Variants in PDE1A observed in about 807,000 individuals in gnomAD.
The protein encoded by PDE1A is phosphodiesterase 1A.
A neutral mutation model predicts 61.7 loss-of-function variants in PDE1A; 35 were observed. The observed-to-expected ratio is 0.57, with a 90% CI of 0.43 to 0.75. The LOEUF (loss-of-function observed/expected upper bound fraction) is 0.75, where lower values mean the gene tolerates loss of function less well. Ranked by LOEUF, PDE1A falls within the 30% of genes least tolerant of loss-of-function variation. The probability of loss-of-function intolerance (pLI) is 0.00; values close to 1 mark genes in which losing one functional copy is unlikely to be tolerated. For synonymous variants in PDE1A, 232 were observed against 213.2 expected (o/e 1.09, Z -0.77); for missense variants, 597 against 630.6 (o/e 0.95, Z 0.57).
At chr2:182,523,881 T>C (rs1050048980), upstream of PDE1A, among the ~76,000 whole-genome samples, 2 of 152,152 alleles carry the variant, frequency 1.3e-5, no homozygotes, top group Non-Finnish European at 2.9e-5. Context: ...ACTGATGCTA[T>C]CTAGTAGTCA....
intron 1 of PDE1A, among the ~76,000 whole-genome samples, chr2:182,316,708 A>G (rs956770686): frequency 1.3e-5 from 2 of 152,174 alleles, no homozygotes; most frequent in African/African-American, 4.8e-5. Context: ...AATATTGTAT[A>G]TTGTACTTTA....
At chr2:182,582,056 G>A in the PDE1A span, among the ~76,000 whole-genome samples, 6 of 152,226 alleles carry the variant, frequency 3.9e-5, no homozygotes, top group South Asian at 1.2e-3. Flanking sequence ...AAAATGTTTA[G>A]CTTAATATTA....
chr2:182,247,376 A>C (rs1218720625), intron 2 of PDE1A, among the ~76,000 whole-genome samples: 1 of 152,252 alleles, frequency 6.6e-6, no homozygotes. Context: ...TAATGAAGAC[A>C]TAAGTAAGTG....
intron 1 of PDE1A, chr2:182,314,627 T>C (rs1044464026): frequency 2.6e-5 from 4 of 151,628 alleles, no homozygotes; most frequent in African/African-American, 9.7e-5. Context: ...TTCTAGAAAA[T>C]GGAAATGAAT....
chr2:182,549,967 G>C, the PDE1A span, among the ~76,000 whole-genome samples: 1 of 151,962 alleles, frequency 6.6e-6, no homozygotes, highest in African/African-American at 2.4e-5. Flanking sequence ...TTTTCCCTAC[G>C]ACATTTTTAT....
At chr2:182,275,088 A>G (rs1205385209) in intron 1 of PDE1A, among the ~76,000 whole-genome samples, 1 of 152,150 alleles carries the variant, frequency 6.6e-6, no homozygotes, top group African/African-American at 2.4e-5. Context: ...TGAGAAAACA[A>G]CCAGGGAATA....
chr2:182,380,439 T>TC (rs932808037), intron 1 of PDE1A, among the ~76,000 whole-genome samples: 9 of 152,126 alleles, frequency 5.9e-5, no homozygotes, highest in African/African-American at 1.7e-4. Context: ...TTCCTAGCTT[T>TC]CTGTCTCTCC....
downstream of PDE1A, among the ~76,000 whole-genome samples, chr2:182,165,732 A>G (rs1691621629): frequency 6.6e-6 from 1 of 152,182 alleles, no homozygotes; most frequent in African/African-American, 2.4e-5. Flanking sequence ...TATAAATACC[A>G]TATACAGCCA....
intron 1 of PDE1A, among the ~76,000 whole-genome samples, chr2:182,304,002 G>T (rs1314577955): frequency 6.6e-6 from 1 of 152,066 alleles, no homozygotes; most frequent in Non-Finnish European, 1.5e-5. Flanking sequence ...CCAGGTTCAG[G>T]TGATTCTCCT....
chr2:182,529,128 G>A, the PDE1A span, among the ~76,000 whole-genome samples: 10,043 of 152,234 alleles, frequency 0.066, 355 homozygotes, highest in Middle Eastern at 0.1. Context: ...AGCTTGCACC[G>A]TGCACGTGGA....
chr2:182,330,650 G>A (rs935975407), intron 1 of PDE1A, among the ~76,000 whole-genome samples: 9 of 151,968 alleles, frequency 5.9e-5, no homozygotes, highest in East Asian at 1.9e-4. Context: ...CTGAACCCAC[G>A]GCAATCCCAC....
intron 2 of PDE1A, among the ~76,000 whole-genome samples, chr2:182,467,116 GA>G (rs1299062615): frequency 1.4e-5 from 2 of 146,948 alleles, no homozygotes; most frequent in African/African-American, 2.5e-5. Context: ...AAATAACGAA[GA>G]AAAAAAGAAG....
At chr2:182,292,002 T>C (rs1272868962) in intron 1 of PDE1A, among the ~76,000 whole-genome samples, 3 of 152,094 alleles carry the variant, frequency 2.0e-5, no homozygotes, top group African/African-American at 7.2e-5. Flanking sequence ...GTTTAAAAAA[T>C]GACGTATTTC....
At chr2:182,479,654 A>C (rs1687585138) in intron 2 of PDE1A, among the ~76,000 whole-genome samples, 1 of 151,932 alleles carries the variant, frequency 6.6e-6, no homozygotes, top group Non-Finnish European at 1.5e-5. Context: ...TGTAAAAAAA[A>C]AATTAAAAGA....
intron 4 of PDE1A, among the ~76,000 whole-genome samples, chr2:182,233,619 A>G (rs1044341899): frequency 6.6e-6 from 1 of 152,218 alleles, no homozygotes; most frequent in Non-Finnish European, 1.5e-5. Flanking sequence ...TGCTGCTGCC[A>G]ATATCCTTTA....
At chr2:182,209,074 A>G (rs1687357699) in intron 7 of PDE1A, among the ~76,000 whole-genome samples, 1 of 152,184 alleles carries the variant, frequency 6.6e-6, no homozygotes. Flanking sequence ...AGGAGGGGCC[A>G]GAAGTGGAAT....
chr2:182,500,896 G>A (rs1220440540), intron 2 of PDE1A, among the ~76,000 whole-genome samples: 1 of 151,416 alleles, frequency 6.6e-6, no homozygotes, highest in East Asian at 1.9e-4. Context: ...GATCAACACT[G>A]TATTGTAGTT....
At chr2:182,509,489 G>A (rs536836099) in intron 2 of PDE1A, among the ~76,000 whole-genome samples, 31 of 152,146 alleles carry the variant, frequency 2.0e-4, no homozygotes, top group Non-Finnish European at 2.8e-4. Context: ...TGAGCCTTGC[G>A]TATTAAGTAG....
chr2:182,378,952 T>C (rs899270888), intron 1 of PDE1A, among the ~76,000 whole-genome samples: 2 of 152,232 alleles, frequency 1.3e-5, no homozygotes, highest in African/African-American at 4.8e-5. Context: ...AATCTAAACA[T>C]AGCATTTGTT....
Sources: gnomAD v4.1 joint callset for allele counts (sites outside exome capture counted in the v4.1 genomes callset) on GRCh38, gnomAD v4.1.1 for gene constraint, MANE v1.5 for transcripts, NCBI Gene and HGNC (gene_info 2026-07-23, HGNC 2026-07-21) for gene names.